The following GUCY1B1 variants were observed in gnomAD, a reference collection of about 807,000 sequenced individuals.
The protein encoded by GUCY1B1 is guanylate cyclase 1 soluble subunit beta 1, also known as guanylate cyclase soluble subunit beta-1.
GUCY1B1 carries 43 observed loss-of-function variants against 71.0 expected under a neutral mutation model. That is an observed-to-expected ratio of 0.61 (90% confidence interval 0.47 to 0.78). The LOEUF (loss-of-function observed/expected upper bound fraction) is 0.78. Among genes scored for constraint, GUCY1B1 ranks in the 30% least tolerant of loss-of-function variants. The probability of loss-of-function intolerance (pLI) is 0.00; values close to 1 mark genes in which losing one functional copy is unlikely to be tolerated. For synonymous variants in GUCY1B1, 266 were observed against 259.7 expected (o/e 1.02, Z -0.23); for missense variants, 535 against 754.1 (o/e 0.71, Z 3.40).
At chr4:155,778,811 T>G (rs2111051514) in intron 4 of GUCY1B1, among the ~76,000 whole-genome samples, 1 of 152,250 alleles carries the variant, frequency 6.6e-6, no homozygotes, top group Admixed American at 6.5e-5. Flanking sequence ...TTTTGGGGGA[T>G]TTTGGGTTTT....
chr4:155,775,503 A>G (rs1242089731), intron 3 of GUCY1B1, among the ~76,000 whole-genome samples: 2 of 152,116 alleles, frequency 1.3e-5, no homozygotes, highest in Non-Finnish European at 2.9e-5. Flanking sequence ...CATGTTGTCC[A>G]GGTTGGTCTT....
intron 2 of GUCY1B1, among the ~76,000 whole-genome samples, chr4:155,764,177 TG>T (rs999911882): frequency 1.2e-4 from 19 of 152,216 alleles, no homozygotes; most frequent in Admixed American, 7.2e-4. Context: ...TTCATATTTT[TG>T]AAGGTGTGAT....
Position 155,806,536 on chromosome 4 carries a change from A to G in GUCY1B1, c.*127A>G. On this transcript the variant is annotated 3_prime_UTR_variant, in exon 14 of 14. Transcript: ENST00000264424. ...TTTTGTCCTTGTCCATTACCCCAAG[A>G]CTTTCTTCTAGATATATCTCTCACT... 3.1e-6 allele frequency: 2 copies of G among 647,694 alleles called. No homozygotes were observed. 40.1% of individuals were successfully genotyped at this position (647,694 alleles called of 1,614,324 possible). A position where few individuals can be genotyped will look rare whatever the true frequency, so the allele number is the denominator to read the frequency against.
intron 5 of GUCY1B1, among the ~76,000 whole-genome samples, chr4:155,791,219 A>G (rs372529736): frequency 4.7e-5 from 7 of 150,102 alleles, no homozygotes; most frequent in East Asian, 2.0e-4. Flanking sequence ...GGTTCACGCC[A>G]TTCTCCTGCC....
At chr4:155,786,888 T>TGTGA (rs1372491800) in intron 4 of GUCY1B1, among the ~76,000 whole-genome samples, 1 of 152,086 alleles carries the variant, frequency 6.6e-6, no homozygotes, top group Non-Finnish European at 1.5e-5. Flanking sequence ...GGATTACAGG[T>TGTGA]GTGAGAGCAC....
intron 2 of GUCY1B1, among the ~76,000 whole-genome samples, chr4:155,768,928 A>G (rs1214917887): frequency 6.6e-6 from 1 of 152,112 alleles, no homozygotes; most frequent in Non-Finnish European, 1.5e-5. Context: ...TTAGTTTGTA[A>G]ATTCTATCAG....
At chr4:155,770,962 G>T (rs1289999372) in intron 2 of GUCY1B1, among the ~76,000 whole-genome samples, 1 of 151,862 alleles carries the variant, frequency 6.6e-6, no homozygotes, top group East Asian at 1.9e-4. Context: ...CTTATTACTT[G>T]TATCTGTCAG....
At chr4:155,803,893 T>G in intron 11 of GUCY1B1, 129 bp downstream of exon 11, 1 of 545,414 alleles carries the variant, frequency 1.8e-6, no homozygotes, top group East Asian at 3.3e-5. Flanking sequence ...CTATAGCATT[T>G]CATCCAGCCC....
At chr4:155,801,646 C>G (rs1488151142) in intron 9 of GUCY1B1, among the ~76,000 whole-genome samples, 1 of 152,178 alleles carries the variant, frequency 6.6e-6, no homozygotes. Flanking sequence ...CCTCTTCAGT[C>G]TTCCAATCCA....
chr4:155,801,768 A>G (rs1312075561), intron 9 of GUCY1B1, among the ~76,000 whole-genome samples: 1 of 152,158 alleles, frequency 6.6e-6, no homozygotes, highest in East Asian at 1.9e-4. Flanking sequence ...TCTCAGTTGT[A>G]CCTAAAGAAA....
chr4:155,764,830 A>G (rs1208282438), intron 2 of GUCY1B1, among the ~76,000 whole-genome samples: 2 of 152,196 alleles, frequency 1.3e-5, no homozygotes, highest in Non-Finnish European at 2.9e-5. Context: ...CTCTTTGCAT[A>G]GGGCTCTTCC....
At chr4:155,763,019 G>A (rs192269632) in intron 2 of GUCY1B1, among the ~76,000 whole-genome samples, 11 of 152,148 alleles carry the variant, frequency 7.2e-5, no homozygotes, top group African/African-American at 2.4e-4. Flanking sequence ...TGATTTCTAA[G>A]TAATGACAAA....
At position 155,759,678 on chromosome 4, in the gene GUCY1B1, G is replaced by T. The variant is rs1489869415; in HGVS notation, c.4-109G>T. 5 of 720,594 alleles carry T rather than the reference G, an allele frequency of 6.9e-6. No homozygotes were observed. In the African/African-American group the frequency reaches 8.9e-5, roughly 13 times the overall value. 44.6% of individuals were successfully genotyped at this position (720,594 alleles called of 1,614,324 possible). A position where few individuals can be genotyped will look rare whatever the true frequency, so the allele number is the denominator to read the frequency against. On this transcript the variant is annotated intron_variant, in intron 1 of 13. Transcript: ENST00000264424. ...CCTAAGGGAGAGGAGTCAGGGGCGGGGTGAAAGGTTAAGCCAGCGCCATGG... is the reference window on the plus strand; with the variant it reads ...CCTAAGGGAGAGGAGTCAGGGGCGGTGTGAAAGGTTAAGCCAGCGCCATGG...
intron 8 of GUCY1B1, among the ~76,000 whole-genome samples, chr4:155,798,624 CA>C (rs1454666455): frequency 1.3e-5 from 2 of 151,862 alleles, no homozygotes; most frequent in East Asian, 3.9e-4. Context: ...TGCATTAATC[CA>C]AAATTCTGCA....
At chr4:155,761,307 C>T (rs1162036313) in intron 2 of GUCY1B1, among the ~76,000 whole-genome samples, 1 of 151,894 alleles carries the variant, frequency 6.6e-6, no homozygotes, top group Non-Finnish European at 1.5e-5. Flanking sequence ...ACTTAACTAC[C>T]GAATTATTTT....
At chr4:155,759,300 G>A (rs1736783773) in intron 1 of GUCY1B1, 157 bp downstream of exon 1, 1 of 697,310 alleles carries the variant, frequency 1.4e-6, no homozygotes, top group Non-Finnish European at 2.3e-6. Context: ...GCCCAGTCAG[G>A]GGAGGTGGGA....
chr4:155,778,904 A>T lies in GUCY1B1; in HGVS notation c.297+1262A>T, dbSNP rs187935653. Among the ~76,000 whole-genome samples, 866 of 152,192 alleles carry T rather than the reference A, an allele frequency of 5.7e-3. 8 individuals carry two copies. The highest frequency in any genetic ancestry group is 0.02 in the African/African-American group (837 of 41,526). On this transcript the variant is annotated intron_variant, in intron 4 of 13. Transcript: ENST00000264424. The stretch of plus-strand genomic sequence containing the variant: ...TTTCAACTTTCAGTTGTTCTGACTT[A>T]TAACTCTCTCTCTCAATGCCCATGT...
In GUCY1B1 at chr4:155,789,952, C is replaced by A. The variant is rs78302035; in HGVS notation, c.495+41C>A. On this transcript the variant is annotated intron_variant, in intron 5 of 13. Coordinates refer to ENST00000264424, the MANE Select transcript of GUCY1B1 (RefSeq NM_000857.5). ...GGAGACTTCTGAACACAGATGACAT[C>A]TAAAAATATTTTAAATGACACTCTC... The A allele has an allele frequency of 5.9e-3, 7,477 of 1,270,800 alleles. 346 individuals are homozygous for A. The African/African-American group carries it at 0.098, about 17-fold the overall frequency. The allele number at this position is 1,270,800 out of a possible 1,614,324, so 78.7% of individuals were successfully genotyped here.
At chr4:155,801,938 A>G (rs1482972267) in intron 9 of GUCY1B1, among the ~76,000 whole-genome samples, 2 of 152,146 alleles carry the variant, frequency 1.3e-5, no homozygotes, top group African/African-American at 4.8e-5. Flanking sequence ...ACCTGTTTCC[A>G]TTATTGTGCT....
Sources: allele counts gnomAD v4.1 joint callset (sites outside exome capture counted in the v4.1 genomes callset), GRCh38; gene constraint gnomAD v4.1.1; transcripts MANE v1.5; gene names NCBI Gene and HGNC (gene_info 2026-07-23, HGNC 2026-07-21).